Variants in MSL2 observed in about 807,000 individuals in gnomAD.
MSL2 encodes the protein E3 ubiquitin-protein ligase MSL2.
A neutral mutation model predicts 35.8 loss-of-function variants in MSL2; 2 were observed. The observed-to-expected ratio is 0.06, with a 90% CI of 0.02 to 0.18. The LOEUF (loss-of-function observed/expected upper bound fraction) is 0.18. MSL2 is among the 10% of genes least tolerant of loss of function. MSL2 has a pLI of 1.00. For missense variants in MSL2, 523 were observed against 706.7 expected (o/e 0.74, Z 2.95); for synonymous variants, 296 against 255.7 (o/e 1.16, Z -1.50).
chr3:136,179,711 T>C (rs952818008), intron 1 of MSL2, among the ~76,000 whole-genome samples: 1 of 152,258 alleles, frequency 6.6e-6, no homozygotes, highest in African/African-American at 2.4e-5. Context: ...TCTTAAAGCA[T>C]ACAAAGACAA....
intron 1 of MSL2, among the ~76,000 whole-genome samples, chr3:136,184,270 T>C (rs1041519701): frequency 6.6e-6 from 1 of 151,476 alleles, no homozygotes; most frequent in African/African-American, 2.4e-5. Context: ...CACTTTAACC[T>C]GAACGACAGA....
rs1014991698 is a variant in MSL2, at chr3:136,150,896, T to C, written c.*251A>G. The C allele has an allele frequency of 8.9e-6, 4 of 451,380 alleles. No individual in the cohort carries two copies. The highest frequency in any genetic ancestry group is 3.5e-5 in the Admixed American group (1 of 28,602). 28.0% of individuals were successfully genotyped at this position (451,380 alleles called of 1,614,324 possible). ...TTTTCTTGCCAAAGTTCATTTTGTA[T>C]AAATCAGTTGCATCAGCTTTGTTCT... On this transcript the variant is annotated 3_prime_UTR_variant, in exon 2 of 2. Coordinates refer to ENST00000309993, the MANE Select transcript of MSL2 (RefSeq NM_018133.4).
At chr3:136,188,483 C>T (rs1437793023) in intron 1 of MSL2, among the ~76,000 whole-genome samples, 1 of 151,574 alleles carries the variant, frequency 6.6e-6, no homozygotes, top group Non-Finnish European at 1.5e-5. Flanking sequence ...GGTTCAGTGG[C>T]TCATGCCTAT....
At chr3:136,182,800 A>C (rs1354561902) in intron 1 of MSL2, among the ~76,000 whole-genome samples, 1 of 152,188 alleles carries the variant, frequency 6.6e-6, no homozygotes, top group Non-Finnish European at 1.5e-5. Flanking sequence ...TAATTAGCAC[A>C]TGCGTATAAA....
At chr3:136,152,872 A>T (rs373259101) in intron 1 of MSL2, 134 bp from the exon 2 acceptor site, 5 of 1,441,546 alleles carry the variant, frequency 3.5e-6, no homozygotes, top group Middle Eastern at 2.4e-4. Context: ...AACAGAAAAT[A>T]TATCTTAGAA....
chr3:136,158,423 TCA>T (rs746815345), intron 1 of MSL2, among the ~76,000 whole-genome samples: 1 of 151,666 alleles, frequency 6.6e-6, no homozygotes, highest in Non-Finnish European at 1.5e-5. Context: ...CAATACCTAT[TCA>T]CACACACACA....
chr3:136,164,037 G>C (rs1475923589), intron 1 of MSL2, among the ~76,000 whole-genome samples: 1 of 152,196 alleles, frequency 6.6e-6, no homozygotes, highest in Non-Finnish European at 1.5e-5. Context: ...TAAATGCAAT[G>C]AAATGAAGCA....
At chr3:136,162,068 G>A (rs778333040) in intron 1 of MSL2, among the ~76,000 whole-genome samples, 19 of 151,694 alleles carry the variant, frequency 1.3e-4, no homozygotes, top group Non-Finnish European at 2.4e-4. Flanking sequence ...CTCCCGAGTA[G>A]CTGGGATTTA....
Position 136,195,128 on chromosome 3 carries a change from C to T in MSL2, c.-15G>A. On this transcript the variant is annotated 5_prime_UTR_variant, in exon 1 of 2. Transcript: ENST00000309993. Reference sequence around the variant, plus strand: ...ACGGGGTTCATTGCAGACACTTCGACACCAATGGCTCCCGGTTGAAAAGAA... The same window carrying T: ...ACGGGGTTCATTGCAGACACTTCGATACCAATGGCTCCCGGTTGAAAAGAA... 5.1e-6 allele frequency: 8 copies of T among 1,581,806 alleles called. No homozygotes were observed. The highest frequency in any genetic ancestry group is 5.2e-6 in the Non-Finnish European group (6 of 1,164,980).
rs1046813013 is a variant in MSL2 at position 136,176,661 on chromosome 3, C to CA, written c.142+18310dup. 7.6e-3 allele frequency among the ~76,000 whole-genome samples: 1,081 copies of CA among 142,746 alleles called. 17 individuals carry two copies. The highest frequency in any genetic ancestry group is 0.024 in the African/African-American group (922 of 39,138). 93.6% of individuals were successfully genotyped at this position (142,746 alleles called of 152,430 possible). A position where few individuals can be genotyped will look rare whatever the true frequency, so the allele number is the denominator to read the frequency against. ...GCAACTGAGTGAGACCCTGTTACTA[C>CA]AAAAAAAAAAAAATTTAAAAATTAA... On this transcript the variant is annotated intron_variant, in intron 1 of 1. Coordinates refer to ENST00000309993, the MANE Select transcript of MSL2 (RefSeq NM_018133.4).
In MSL2 at chr3:136,151,078, A is replaced by C; in HGVS notation, c.*69T>G. 6.5e-7 allele frequency: 1 copy of C among 1,537,788 alleles called. No individual in the cohort carries two copies. The highest frequency in any genetic ancestry group is 1.7e-4 in the Middle Eastern group (1 of 5,742). On this transcript the variant is annotated 3_prime_UTR_variant, in exon 2 of 2. Coordinates refer to ENST00000309993, the MANE Select transcript of MSL2 (RefSeq NM_018133.4). The surrounding 1 kb of genome is among the most constrained non-coding windows in gnomAD (Gnocchi z 5.2). ...GCAGGAGCTCCGGCAAGTTAAACCAACAGAACCATAGCTGCCGTAAAACTG... is the reference window on the plus strand; with the variant it reads ...GCAGGAGCTCCGGCAAGTTAAACCACCAGAACCATAGCTGCCGTAAAACTG...
At position 136,151,716 on chromosome 3, in the gene MSL2, G is replaced by C; in HGVS notation, c.1165C>G (p.Pro389Ala). 4 of 1,614,120 alleles carry C rather than the reference G, an allele frequency of 2.5e-6. No homozygotes were observed. Among genetic ancestry groups the C allele is most frequent in the Non-Finnish European group, 3.4e-6 (4 of 1,180,018 alleles). ...KISLQPIATV[P>A]NGGTTPKISK... ...ATTTTAGGTGTTGTGCCTCCATTGG[G>C]AACAGTTGCTATAGGTTGAAGAGAA... The change falls in exon 2 of 2, where the codon CCC (proline) becomes GCC (alanine). Residue 389 changes from proline to alanine, a missense_variant. Pro to Ala is a conservative substitution (Grantham distance 27, BLOSUM62 -1). This residue lies in a region of MSL2 where 361 missense variants were observed against 414.6 expected (regional missense o/e 0.87). Coordinates refer to ENST00000309993, the MANE Select transcript of MSL2 (RefSeq NM_018133.4). This position sits in a 1 kb window ranked among gnomAD's most constrained non-coding sequence, Gnocchi z 5.2.
At chr3:136,170,728 C>T (rs747874032) in intron 1 of MSL2, among the ~76,000 whole-genome samples, 2 of 152,002 alleles carry the variant, frequency 1.3e-5, no homozygotes, top group Non-Finnish European at 2.9e-5. Flanking sequence ...TGGTCTCGAT[C>T]TCTTGACTTC....
At chr3:136,164,045 G>A (rs958543463) in intron 1 of MSL2, among the ~76,000 whole-genome samples, 7 of 152,176 alleles carry the variant, frequency 4.6e-5, no homozygotes, top group African/African-American at 1.7e-4. Flanking sequence ...ATGAAATGAA[G>A]CACATCTAAA....
chr3:136,170,649 C>G (rs985333803), intron 1 of MSL2, among the ~76,000 whole-genome samples: 3 of 151,002 alleles, frequency 2.0e-5, no homozygotes, highest in African/African-American at 7.3e-5. Context: ...GCTGGGACTA[C>G]AGGCGTGCGT....
chr3:136,155,270 C>A (rs564001746), intron 1 of MSL2, among the ~76,000 whole-genome samples: 3 of 151,416 alleles, frequency 2.0e-5, no homozygotes, highest in Non-Finnish European at 4.4e-5. Context: ...CTTGGGAGGC[C>A]AAGGCACATG....
chr3:136,154,786 A>G (rs1482959984), intron 1 of MSL2, among the ~76,000 whole-genome samples: 1 of 152,174 alleles, frequency 6.6e-6, no homozygotes, highest in African/African-American at 2.4e-5. Flanking sequence ...AGCTAGGCAC[A>G]GTGGCACGTG....
At chr3:136,176,809 C>G (rs927856930) in intron 1 of MSL2, among the ~76,000 whole-genome samples, 2 of 152,188 alleles carry the variant, frequency 1.3e-5, no homozygotes, top group Admixed American at 6.5e-5. Context: ...GAAGCAGATG[C>G]TGGCACCATA....
rs372715974 is a variant in MSL2, at chr3:136,189,108, CAAAAAAAAA to C, written c.142+5855_142+5863del. Among the ~76,000 whole-genome samples the C allele has an allele frequency of 1.1e-3, 44 of 38,594 alleles. 1 individual carries two copies. Among genetic ancestry groups the C allele is most frequent in the East Asian group, 5.6e-3 (2 of 358 alleles). The allele number at this position is 38,594 out of a possible 152,430, so 25.3% of individuals were successfully genotyped here. On this transcript the variant is annotated intron_variant, in intron 1 of 1. Transcript: ENST00000309993. ...GCAACATGGTGAAACCCTGTCTCTA[CAAAAAAAAA>C]AAAAAAAAAAAAAAAAAAACACACA...
Sources: gnomAD v4.1 joint callset for allele counts (sites outside exome capture counted in the v4.1 genomes callset) on GRCh38, gnomAD v4.1.1 for gene constraint, gnomAD v4.1.1 regional missense constraint, Gnocchi (gnomAD v3.1) non-coding constraint, MANE v1.5 for transcripts, NCBI Gene and HGNC (gene_info 2026-07-23, HGNC 2026-07-21) for gene names.